Variants in NEK1 observed in about 807,000 individuals in gnomAD.
NEK1 encodes serine/threonine-protein kinase Nek1.
Under a neutral mutation model 182.1 loss-of-function variants are expected in NEK1, and 137 were observed. That is an observed-to-expected ratio of 0.75 (90% confidence interval 0.65 to 0.87). The LOEUF (loss-of-function observed/expected upper bound fraction) is 0.87. Ranked by LOEUF, NEK1 falls within the 40% of genes least tolerant of loss-of-function variation. The pLI is 0.00. For missense variants in NEK1, 1,391 were observed against 1,494.4 expected (o/e 0.93, Z 1.14); for synonymous variants, 513 against 492.2 (o/e 1.04, Z -0.56).
intron 2 of NEK1, among the ~76,000 whole-genome samples, chr4:169,603,543 T>C (rs1199187219): frequency 6.6e-6 from 1 of 152,188 alleles, no homozygotes; most frequent in Non-Finnish European, 1.5e-5. Context: ...AATTAGTTAA[T>C]GTAAGAATGT....
chr4:169,495,207 G>T (rs1481308496), intron 23 of NEK1, among the ~76,000 whole-genome samples: 4 of 148,880 alleles, frequency 2.7e-5, no homozygotes, highest in African/African-American at 9.8e-5. Context: ...TTTCTTCTAG[G>T]GTTTTTATGG....
At chr4:169,609,649 AAAT>A (rs749970924) in intron 2 of NEK1, among the ~76,000 whole-genome samples, 1 of 152,220 alleles carries the variant, frequency 6.6e-6, no homozygotes, top group African/African-American at 2.4e-5. Flanking sequence ...GGCTTGTATT[AAAT>A]AATATCTATG....
intron 18 of NEK1, among the ~76,000 whole-genome samples, chr4:169,543,561 A>G (rs1380345668): frequency 1.3e-5 from 2 of 152,174 alleles, no homozygotes; most frequent in Admixed American, 6.5e-5. Context: ...CATTGAATCT[A>G]TAAATTACTT....
intron 26 of NEK1, among the ~76,000 whole-genome samples, chr4:169,471,854 A>G (rs1746037854): frequency 1.3e-5 from 2 of 152,206 alleles, no homozygotes; most frequent in South Asian, 4.2e-4. Context: ...ATGCCTCTCT[A>G]GATTCTGGCT....
intron 28 of NEK1, among the ~76,000 whole-genome samples, chr4:169,437,100 T>C (rs767449876): frequency 1.2e-4 from 18 of 152,194 alleles, no homozygotes; most frequent in Non-Finnish European, 2.1e-4. Context: ...CTATTCCTGG[T>C]TGGATTTTAG....
At chr4:169,406,110 A>T (rs961065615) in intron 32 of NEK1, among the ~76,000 whole-genome samples, 2 of 151,982 alleles carry the variant, frequency 1.3e-5, no homozygotes, top group African/African-American at 4.8e-5. Context: ...AGAAAAAATA[A>T]ATTTTTTTTT....
Position 169,587,608 on chromosome 4 carries a change from A to T in NEK1, c.557T>A (p.Ile186Asn). 3 of 1,537,658 alleles carry T rather than the reference A, an allele frequency of 2.0e-6. No individual in the cohort carries two copies. In the South Asian group the frequency reaches 3.7e-5, roughly 19 times the overall value. ...ENKPYNNKSD[I>N]WALGCVLYEL... The stretch of plus-strand genomic sequence containing the variant: ...ATAAAGGACACACCCCAGAGCCCAA[A>T]TGTCACTGGAGAAGATAAAAATGAG... Residue 186 changes from isoleucine to asparagine, a missense_variant, in exon 9 of 36, where the codon ATT becomes AAT. Coordinates refer to ENST00000507142, the MANE Select transcript of NEK1 (RefSeq NM_001199397.3).
In NEK1 at chr4:169,589,349, T is replaced by C. The variant is rs546532588; in HGVS notation, c.464+98A>G. 1.6e-4 allele frequency: 120 copies of C among 742,094 alleles called. No individual in the cohort carries two copies. The African/African-American group carries it at 1.8e-3, about 11-fold the overall frequency. The allele number at this position is 742,094 out of a possible 1,614,324, so 46.0% of individuals were successfully genotyped here. On this transcript the variant is annotated intron_variant, in intron 7 of 35. Coordinates refer to ENST00000507142, the MANE Select transcript of NEK1 (RefSeq NM_001199397.3). Reference sequence around the variant, plus strand: ...AATAAAGCAACATCCCAGTAAAGAATGTACTTAAAGATACCATAAATTATC... The same window carrying C: ...AATAAAGCAACATCCCAGTAAAGAACGTACTTAAAGATACCATAAATTATC...
chr4:169,472,421 G>A (rs541778059), intron 26 of NEK1, among the ~76,000 whole-genome samples: 7 of 152,274 alleles, frequency 4.6e-5, no homozygotes, highest in African/African-American at 1.4e-4. Context: ...TCCCAGGTGA[G>A]GCAACGCCCC....
intron 5 of NEK1, among the ~76,000 whole-genome samples, chr4:169,594,084 C>T (rs1769032690): frequency 6.6e-6 from 1 of 151,554 alleles, no homozygotes; most frequent in African/African-American, 2.4e-5. Flanking sequence ...AATACTGTTT[C>T]GAAAATGGGA....
intron 12 of NEK1, among the ~76,000 whole-genome samples, chr4:169,563,789 A>G (rs930344518): frequency 6.6e-6 from 1 of 152,202 alleles, no homozygotes; most frequent in African/African-American, 2.4e-5. Context: ...TTTAAAAACA[A>G]AAGTTAGTGT....
intron 26 of NEK1, among the ~76,000 whole-genome samples, chr4:169,472,750 G>A (rs1334979829): frequency 6.6e-6 from 1 of 152,038 alleles, no homozygotes; most frequent in Non-Finnish European, 1.5e-5. Context: ...TTATGTTTTT[G>A]TCCTCACATT....
chr4:169,589,392 G>C, intron 7 of NEK1, 55 bp downstream of exon 7: 1 of 968,672 alleles, frequency 1.0e-6, no homozygotes, highest in Non-Finnish European at 1.6e-6. Flanking sequence ...CATCATCATG[G>C]ATTGAAGGTT....
chr4:169,415,220 C>T (rs1387544650), intron 31 of NEK1, among the ~76,000 whole-genome samples: 2 of 152,208 alleles, frequency 1.3e-5, no homozygotes, highest in East Asian at 1.9e-4. Flanking sequence ...TTTGACCTTT[C>T]ACAAACTAAC....
At chr4:169,485,193 T>TC (rs1748815303) in intron 23 of NEK1, among the ~76,000 whole-genome samples, 1 of 152,214 alleles carries the variant, frequency 6.6e-6, no homozygotes, top group Non-Finnish European at 1.5e-5. Context: ...TACTGATCTC[T>TC]CCTCTGAGTC....
intron 23 of NEK1, among the ~76,000 whole-genome samples, chr4:169,489,270 C>T (rs1479418311): frequency 1.3e-5 from 2 of 151,682 alleles, no homozygotes; most frequent in Non-Finnish European, 2.9e-5. Flanking sequence ...TATAGAGGGG[C>T]GGAGGGAGGG....
intron 19 of NEK1, among the ~76,000 whole-genome samples, chr4:169,521,464 T>G (rs1292716188): frequency 2.0e-5 from 3 of 151,722 alleles, no homozygotes; most frequent in African/African-American, 7.3e-5. Context: ...ATCACCCGTC[T>G]TCTGCGTCGC....
intron 27 of NEK1, among the ~76,000 whole-genome samples, chr4:169,450,024 T>C (rs891158445): frequency 1.3e-5 from 2 of 152,190 alleles, no homozygotes; most frequent in African/African-American, 4.8e-5. Flanking sequence ...GAGAACTTCG[T>C]GACACATGCA....
At chr4:169,500,238 G>A (rs535845840) in intron 23 of NEK1, among the ~76,000 whole-genome samples, 1 of 152,324 alleles carries the variant, frequency 6.6e-6, no homozygotes, top group South Asian at 2.1e-4. Context: ...CATTTGCTAA[G>A]ACCGTTGGAA....
Sources: allele counts gnomAD v4.1 joint callset (sites outside exome capture counted in the v4.1 genomes callset), GRCh38; gene constraint gnomAD v4.1.1; transcripts MANE v1.5; gene names NCBI Gene and HGNC (gene_info 2026-07-23, HGNC 2026-07-21).